The following NAALADL2 variants were observed in gnomAD, a reference collection of about 807,000 sequenced individuals.
NAALADL2 encodes N-acetylated alpha-linked acidic dipeptidase like 2, also known as inactive N-acetylated-alpha-linked acidic dipeptidase-like protein 2.
In NAALADL2, 76 loss-of-function variants were observed where a neutral mutation model predicts 87.2. That is an observed-to-expected ratio of 0.87 (90% CI 0.72 to 1.05). NAALADL2 has a LOEUF of 1.05. Among genes scored for constraint, NAALADL2 ranks in the 50% least tolerant of loss-of-function variants. The pLI, the probability that NAALADL2 is intolerant of heterozygous loss-of-function variation, is 0.00. For missense variants in NAALADL2, 1,089 were observed against 945.8 expected, an observed-to-expected ratio of 1.15 and a Z score of -1.99; for synonymous variants, 354 against 331.0, an observed-to-expected ratio of 1.07 and a Z score of -0.75.
intron 10 of NAALADL2, among the ~76,000 whole-genome samples, chr3:175,605,111 T>C (rs1723506703): frequency 6.6e-6 from 1 of 152,176 alleles, no homozygotes. Context: ...GTACCCACAC[T>C]CTTACCAGAA....
intron 11 of NAALADL2, among the ~76,000 whole-genome samples, chr3:175,629,489 A>C (rs2149722301): frequency 6.6e-6 from 1 of 151,554 alleles, no homozygotes; most frequent in South Asian, 2.1e-4. Flanking sequence ...AGAGAATTTT[A>C]GGGCAATGAA....
intron 2 of NAALADL2, among the ~76,000 whole-genome samples, chr3:174,622,611 C>G (rs62284671): frequency 0.36 from 54,964 of 151,942 alleles, 11,169 homozygotes; most frequent in Middle Eastern, 0.5. Flanking sequence ...TGCCTATTTT[C>G]TATATGTATG....
At chr3:174,654,815 A>G (rs1228866051) in intron 2 of NAALADL2, among the ~76,000 whole-genome samples, 7 of 152,128 alleles carry the variant, frequency 4.6e-5, no homozygotes, top group Non-Finnish European at 8.8e-5. Flanking sequence ...CACTCACTGC[A>G]AGCTCTGCCT....
intron 2 of NAALADL2, among the ~76,000 whole-genome samples, chr3:175,219,339 A>G (rs920964221): frequency 3.3e-5 from 5 of 152,042 alleles, no homozygotes; most frequent in Admixed American, 6.6e-5. Context: ...AACTATTTCT[A>G]TTTTCTGGGA....
intron 6 of NAALADL2, among the ~76,000 whole-genome samples, chr3:175,462,519 C>A (rs1350012013): frequency 6.6e-6 from 1 of 152,130 alleles, no homozygotes; most frequent in African/African-American, 2.4e-5. Context: ...TGTAGGCCTG[C>A]CAGTATAATG....
At chr3:175,784,659 TGGATTCATTA>T (rs1343942206) in intron 13 of NAALADL2, among the ~76,000 whole-genome samples, 52 of 140,630 alleles carry the variant, frequency 3.7e-4, no homozygotes, top group African/African-American at 1.4e-3. Context: ...AACCAGCTCC[TGGATTCATTA>T]ATTTTTTGAA....
At chr3:175,223,094 CTGTGTGTG>C (rs71626203) in intron 2 of NAALADL2, among the ~76,000 whole-genome samples, 55,998 of 147,482 alleles carry the variant, frequency 0.38, 12,075 homozygotes, top group Non-Finnish European at 0.49. Flanking sequence ...CATAGTTACT[CTGTGTGTG>C]TGTGTGTGTG....
chr3:174,682,102 T>C (rs965074423), intron 2 of NAALADL2, among the ~76,000 whole-genome samples: 1 of 152,110 alleles, frequency 6.6e-6, no homozygotes, highest in Admixed American at 6.5e-5. Flanking sequence ...CTGGGAGAGA[T>C]GCCTTCCCTC....
chr3:175,327,817 A>G (rs1581439106), intron 5 of NAALADL2, among the ~76,000 whole-genome samples: 1 of 152,292 alleles, frequency 6.6e-6, no homozygotes, highest in East Asian at 1.9e-4. Flanking sequence ...TCTTCATTAA[A>G]AGTCTATGTG....
chr3:174,678,906 A>T (rs1727281250), intron 2 of NAALADL2, among the ~76,000 whole-genome samples: 1 of 152,180 alleles, frequency 6.6e-6, no homozygotes, highest in African/African-American at 2.4e-5. Context: ...TTATTACCTT[A>T]ACTGCCATTT....
intron 1 of NAALADL2, among the ~76,000 whole-genome samples, chr3:175,011,423 C>T (rs1419045350): frequency 6.6e-6 from 1 of 152,054 alleles, no homozygotes; most frequent in African/African-American, 2.4e-5. Context: ...TGTAAAAATT[C>T]AGAGTCTCAG....
chr3:174,482,597 A>C (rs1041676831), intron 1 of NAALADL2, among the ~76,000 whole-genome samples: 8 of 152,040 alleles, frequency 5.3e-5, no homozygotes, highest in Non-Finnish European at 1.2e-4. Context: ...TCATTTTTCC[A>C]GTATTTAAAA....
Position 175,576,161 on chromosome 3 carries a change from G to A in NAALADL2, c.1774G>A (p.Ala592Thr). The A allele has an allele frequency of 6.2e-7, 1 of 1,613,600 alleles. No individual in the cohort carries two copies. The highest frequency in any genetic ancestry group is 8.5e-7 in the Non-Finnish European group (1 of 1,179,726). Reference protein sequence around the residue: ...NHLGVPIVQFAYEDIKTLEGP... With the variant: ...NHLGVPIVQFTYEDIKTLEGP... ...TCTTGGAGTTCCCATCGTGCAGTTTGCTTACGAGGACATCAAAACATTAGA... is the reference window on the plus strand; with the variant it reads ...TCTTGGAGTTCCCATCGTGCAGTTTACTTACGAGGACATCAAAACATTAGA... Residue 592 changes from alanine (A) to threonine (T), a missense_variant, in exon 10 of 14, where the codon GCT (alanine) becomes ACT (threonine). Ala to Thr is a moderately conservative substitution (Grantham distance 58, BLOSUM62 0). Coordinates refer to ENST00000454872, the MANE Select transcript of NAALADL2 (RefSeq NM_207015.3).
chr3:174,456,031 T>G (rs1039865538), intron 1 of NAALADL2, among the ~76,000 whole-genome samples: 6 of 152,110 alleles, frequency 3.9e-5, no homozygotes, highest in Admixed American at 6.5e-5. Context: ...ACAAAGTCAG[T>G]GTACAAAAAC....
intron 11 of NAALADL2, among the ~76,000 whole-genome samples, chr3:175,730,794 G>T (rs1227326041): frequency 6.6e-6 from 1 of 151,498 alleles, no homozygotes; most frequent in Non-Finnish European, 1.5e-5. Context: ...TTCTGCTCAG[G>T]GCTAGTATGG....
intron 5 of NAALADL2, among the ~76,000 whole-genome samples, chr3:175,423,116 T>C (rs1185529474): frequency 6.9e-6 from 1 of 145,374 alleles, no homozygotes. Context: ...AAGATTTGCA[T>C]GCATTTCAAA....
At chr3:174,475,285 C>T (rs979379781) in intron 1 of NAALADL2, among the ~76,000 whole-genome samples, 8 of 151,440 alleles carry the variant, frequency 5.3e-5, no homozygotes, top group East Asian at 1.9e-4. Context: ...TAATTCTTTA[C>T]GTAAAATAAT....
chr3:175,085,068 T>A (rs371851561), intron 1 of NAALADL2, among the ~76,000 whole-genome samples: 13 of 152,078 alleles, frequency 8.5e-5, no homozygotes, highest in African/African-American at 3.1e-4. Context: ...GGAAGTTGAG[T>A]TATGTTCTCC....
intron 3 of NAALADL2, among the ~76,000 whole-genome samples, chr3:174,783,639 A>C (rs776016884): frequency 5.3e-5 from 8 of 152,052 alleles, no homozygotes; most frequent in Non-Finnish European, 1.0e-4. Flanking sequence ...TTTTATTTTG[A>C]ATACCTGAGT....
Sources: gnomAD v4.1 joint callset for allele counts (sites outside exome capture counted in the v4.1 genomes callset) on GRCh38, gnomAD v4.1.1 for gene constraint, MANE v1.5 for transcripts, NCBI Gene and HGNC (gene_info 2026-07-23, HGNC 2026-07-21) for gene names.